The following APOLD1 variants were observed in gnomAD, a reference collection of about 807,000 sequenced individuals.
APOLD1 encodes apolipoprotein L domain containing 1.
APOLD1 carries 22 observed loss-of-function variants against 15.3 expected under a neutral mutation model. The ratio of observed to expected loss-of-function variants is 1.44; its 90% CI spans 1.03 to 2.05. The LOEUF (loss-of-function observed/expected upper bound fraction) is 2.05, where lower values mean the gene tolerates loss of function less well. Ranked by LOEUF, APOLD1 falls within the 30% of genes most tolerant of loss-of-function variation. APOLD1 has a pLI of 0.00. For missense variants in APOLD1, 394 were observed against 353.5 expected (o/e 1.11, Z -0.92); for synonymous variants, 190 against 167.4 (o/e 1.13, Z -1.04).
intron 1 of APOLD1, among the ~76,000 whole-genome samples, chr12:12,742,628 G>T (rs771460176): frequency 7.4e-4 from 112 of 152,346 alleles, no homozygotes; most frequent in Non-Finnish European, 1.3e-3. Flanking sequence ...AGCTGGGTGT[G>T]GTGGCAGGTG....
intron 1 of APOLD1, among the ~76,000 whole-genome samples, chr12:12,749,978 C>T (rs1946797352): frequency 6.6e-6 from 1 of 151,986 alleles, no homozygotes; most frequent in Non-Finnish European, 1.5e-5. Flanking sequence ...AGGAAATGCC[C>T]CCATTCCAAT....
intron 1 of APOLD1, among the ~76,000 whole-genome samples, chr12:12,765,233 A>G (rs1479633225): frequency 1.3e-5 from 2 of 152,156 alleles, no homozygotes; most frequent in African/African-American, 4.8e-5. Context: ...CATTTTAAAA[A>G]TTAGAGATGA....
At chr12:12,736,794 G>A (rs114113310) in intron 1 of APOLD1, among the ~76,000 whole-genome samples, 2,965 of 152,282 alleles carry the variant, frequency 0.019, 115 homozygotes, top group African/African-American at 0.067. Context: ...GGCCGTTAGA[G>A]GGGATGTGGT....
At chr12:12,759,725 C>A (rs574391380) in intron 1 of APOLD1, among the ~76,000 whole-genome samples, 5 of 152,188 alleles carry the variant, frequency 3.3e-5, no homozygotes, top group Non-Finnish European at 7.3e-5. Context: ...TATCCAGTTA[C>A]CCTGTTGGGA....
chr12:12,732,172 G>T (rs1308926113), intron 1 of APOLD1, among the ~76,000 whole-genome samples: 1 of 152,110 alleles, frequency 6.6e-6, no homozygotes, highest in African/African-American at 2.4e-5. Flanking sequence ...TTGATTACAT[G>T]ATAAACATAA....
rs1171145157 is a variant in APOLD1, at chr12:12,787,106, C to G, written c.201C>G (p.Ala67=). ...GCAGCTCGCTGAGCGCAACGGGCGC[C>G]CTCGCCGCCATCGTGGGGCTCTCGC... ...VAGSSLSATG[A]LAAIVGLSLS... Residue 67 remains alanine, a synonymous_variant, in exon 2 of 2, where the codon GCC becomes GCG. Transcript: ENST00000356591. This position sits in a 1 kb window ranked among gnomAD's most constrained non-coding sequence, Gnocchi z 4.9. 18 of 1,419,772 alleles carry G rather than the reference C, an allele frequency of 1.3e-5. No homozygotes were observed. The highest frequency in any genetic ancestry group is 4.7e-4 in the Middle Eastern group (2 of 4,276). The allele number at this position is 1,419,772 out of a possible 1,614,324, so 87.9% of individuals were successfully genotyped here. A position where few individuals can be genotyped will look rare whatever the true frequency, so the allele number is the denominator to read the frequency against.
intron 1 of APOLD1, among the ~76,000 whole-genome samples, chr12:12,749,441 C>T (rs1352733418): frequency 2.0e-5 from 3 of 152,078 alleles, no homozygotes; most frequent in Non-Finnish European, 2.9e-5. Flanking sequence ...TTTGCAAACC[C>T]CCACCTTTTC....
intron 1 of APOLD1, among the ~76,000 whole-genome samples, chr12:12,751,372 CAG>C (rs1342105046): frequency 7.2e-5 from 11 of 152,088 alleles, no homozygotes; most frequent in Admixed American, 5.9e-4. Context: ...TGTTTTGAGA[CAG>C]AGTCTTGCTC....
chr12:12,756,455 C>T (rs1283661523), intron 1 of APOLD1, among the ~76,000 whole-genome samples: 2 of 152,164 alleles, frequency 1.3e-5, no homozygotes, highest in Admixed American at 1.3e-4. Context: ...CATTTTCTTT[C>T]AGTTTGGTAA....
At chr12:12,761,470 G>T (rs1001613148) in intron 1 of APOLD1, among the ~76,000 whole-genome samples, 1 of 152,016 alleles carries the variant, frequency 6.6e-6, no homozygotes, top group Non-Finnish European at 1.5e-5. Flanking sequence ...CTACTCAGTA[G>T]GGAAAGAAAA....
At position 12,787,103 on chromosome 12, in the gene APOLD1, C is replaced by CGCCCTCGCCGCCATCGTGGG; in HGVS notation, c.201_220dup (p.Leu74ProfsTer43). 2.1e-6 allele frequency: 3 copies of CGCCCTCGCCGCCATCGTGGG among 1,414,216 alleles called. No homozygotes were observed. Among genetic ancestry groups the CGCCCTCGCCGCCATCGTGGG allele is most frequent in the Non-Finnish European group, 1.8e-6 (2 of 1,094,934 alleles). 87.6% of individuals were successfully genotyped at this position (1,414,216 alleles called of 1,614,324 possible). A position where few individuals can be genotyped will look rare whatever the true frequency, so the allele number is the denominator to read the frequency against. On this transcript the variant is annotated frameshift_variant, in exon 2 of 2. Coordinates refer to ENST00000356591, the MANE Select transcript of APOLD1 (RefSeq NM_030817.3). LOFTEE classifies it high-confidence loss of function. This position sits in a 1 kb window ranked among gnomAD's most constrained non-coding sequence, Gnocchi z 4.9. ...CCGGCAGCTCGCTGAGCGCAACGGG[C>CGCCCTCGCCGCCATCGTGGG]GCCCTCGCCGCCATCGTGGGGCTCT...
intron 1 of APOLD1, among the ~76,000 whole-genome samples, chr12:12,761,158 T>C (rs1038289884): frequency 6.6e-6 from 1 of 152,248 alleles, no homozygotes; most frequent in African/African-American, 2.4e-5. Flanking sequence ...CTTAATCTAA[T>C]ACACTTGGGA....
In APOLD1 at chr12:12,786,959, G is replaced by A. The variant is rs368169074; in HGVS notation, c.54G>A (p.Arg18=). The change falls in exon 2 of 2, where the codon CGG becomes CGA. Residue 18 remains arginine, a synonymous_variant. Transcript: ENST00000356591. ...AREPHGPDAL[R]RFQGLLLDRR... is the part of the protein sequence containing the mutation. ...AGCCGCATGGGCCCGACGCGCTGCGGCGCTTCCAGGGACTGCTGCTGGACC... is the reference window on the plus strand; with the variant it reads ...AGCCGCATGGGCCCGACGCGCTGCGACGCTTCCAGGGACTGCTGCTGGACC... 4.8e-6 allele frequency: 7 copies of A among 1,458,934 alleles called. No homozygotes were observed. The highest frequency in any genetic ancestry group is 6.3e-6 in the Non-Finnish European group (7 of 1,114,906). 90.4% of individuals were successfully genotyped at this position (1,458,934 alleles called of 1,614,324 possible).
chr12:12,778,370 A>G (rs1355741769), intron 1 of APOLD1, among the ~76,000 whole-genome samples: 1 of 151,422 alleles, frequency 6.6e-6, no homozygotes, highest in Non-Finnish European at 1.5e-5. Context: ...CCCAGGCTGG[A>G]GTGCAATGGT....
intron 1 of APOLD1, among the ~76,000 whole-genome samples, chr12:12,773,147 C>A (rs1947001425): frequency 6.6e-6 from 1 of 152,178 alleles, no homozygotes. Flanking sequence ...AAAAGCAGTG[C>A]TTACAGGGAA....
intron 1 of APOLD1, among the ~76,000 whole-genome samples, chr12:12,786,346 G>A (rs572592294): frequency 1.5e-4 from 23 of 152,246 alleles, no homozygotes; most frequent in Non-Finnish European, 3.1e-4. Context: ...ACAAGCAGAA[G>A]AGTTGCTTCA....
chr12:12,777,954 C>T (rs1413372522), intron 1 of APOLD1, among the ~76,000 whole-genome samples: 1 of 132,222 alleles, frequency 7.6e-6, no homozygotes, highest in African/African-American at 2.9e-5. Flanking sequence ...GACAGGGTCT[C>T]ACTCTATCAC....
intron 1 of APOLD1, chr12:12,771,558 AT>A: frequency 1.9e-6 from 1 of 522,274 alleles, no homozygotes. Flanking sequence ...TTCCTGCCCC[AT>A]TTGTTTTTGG....
chr12:12,783,954 G>A (rs1324910085), upstream of APOLD1, among the ~76,000 whole-genome samples: 1 of 152,082 alleles, frequency 6.6e-6, no homozygotes, highest in Admixed American at 6.6e-5. Flanking sequence ...GTTTTTATGG[G>A]CAGTAAAACT....
Sources: gnomAD v4.1 joint callset for allele counts (sites outside exome capture counted in the v4.1 genomes callset) on GRCh38, gnomAD v4.1.1 for gene constraint, Gnocchi (gnomAD v3.1) non-coding constraint, MANE v1.5 for transcripts, NCBI Gene and HGNC (gene_info 2026-07-23, HGNC 2026-07-21) for gene names.